BLTP1: variants seen among roughly 807,000 people sequenced by gnomAD.
BLTP1 encodes fragile site-associated protein.
At chr4:122,183,252 C>T in the BLTP1 span, 1 of 467,470 alleles carries the variant, frequency 2.1e-6, no homozygotes, top group Non-Finnish European at 2.8e-6. Context: ...GGGAGGATCA[C>T]TTGAGCCATG....
chr4:122,247,316 T>C, the BLTP1 span: 2 of 1,613,378 alleles, frequency 1.2e-6, no homozygotes, highest in South Asian at 1.1e-5. Context: ...AAGTTAAACA[T>C]TCATCGAGTT....
At chr4:122,215,368 A>T in the BLTP1 span, 3 of 982,392 alleles carry the variant, frequency 3.1e-6, no homozygotes, top group Non-Finnish European at 3.6e-6. Flanking sequence ...TTTAAAAAAT[A>T]AGAGATCTGT....
At chr4:122,325,077 T>C in the BLTP1 span, 1 of 361,074 alleles carries the variant, frequency 2.8e-6, no homozygotes, top group Non-Finnish European at 3.9e-6. Context: ...TGACTCTTTT[T>C]TATGGGATGC....
At chr4:122,270,270 G>A in the BLTP1 span, 1 of 689,662 alleles carries the variant, frequency 1.4e-6, no homozygotes, top group Non-Finnish European at 1.8e-6. Context: ...AGCAGCTTCT[G>A]ATTTTTTTCT....
chr4:122,348,441 C>A, the BLTP1 span: 1 of 775,028 alleles, frequency 1.3e-6, no homozygotes, highest in Non-Finnish European at 2.0e-6. Flanking sequence ...AACCATTAAA[C>A]ATTAGATTCT....
the BLTP1 span, chr4:122,187,247 A>G: frequency 1.0e-6 from 1 of 981,776 alleles, no homozygotes; most frequent in Non-Finnish European, 1.2e-6. Context: ...AGAGTGCTCC[A>G]GTAGACAGCT....
chr4:122,257,241 G>C, the BLTP1 span: 1 of 1,611,926 alleles, frequency 6.2e-7, no homozygotes, highest in Non-Finnish European at 8.5e-7. Context: ...CTAACCACAT[G>C]ATTATTGTTA....
chr4:122,307,890 C>G, the BLTP1 span: 1 of 1,564,462 alleles, frequency 6.4e-7, no homozygotes, highest in Non-Finnish European at 8.6e-7. Context: ...TTTTACTTAA[C>G]ATATAGATTT....
At chr4:122,238,249 T>G in the BLTP1 span, 1 of 1,614,004 alleles carries the variant, frequency 6.2e-7, no homozygotes, top group South Asian at 1.1e-5. Flanking sequence ...CTGCACAGCC[T>G]TTGTTGGCTG....
the BLTP1 span, chr4:122,247,039 C>T: frequency 1.5e-6 from 2 of 1,329,510 alleles, no homozygotes; most frequent in Non-Finnish European, 2.0e-6. Context: ...TTTTTTACTA[C>T]TATTGGTGTA....
chr4:122,285,979 A>G, the BLTP1 span, among the ~76,000 whole-genome samples: 5 of 152,232 alleles, frequency 3.3e-5, no homozygotes, highest in Non-Finnish European at 7.4e-5. Flanking sequence ...TAAAATTCAT[A>G]ACATATCCTT....
the BLTP1 span, among the ~76,000 whole-genome samples, chr4:122,295,516 AAAG>A: frequency 1.8e-4 from 27 of 152,256 alleles, no homozygotes; most frequent in Admixed American, 9.8e-4. Context: ...CCAGATGTAC[AAAG>A]AAGAGCTTGT....
chr4:122,236,787 G>A, the BLTP1 span: 1 of 976,408 alleles, frequency 1.0e-6, no homozygotes, highest in Non-Finnish European at 1.2e-6. Context: ...TGTGTAATAG[G>A]AAGTGTCTGT....
chr4:122,233,192 C>T, the BLTP1 span, among the ~76,000 whole-genome samples: 5 of 152,174 alleles, frequency 3.3e-5, no homozygotes, highest in Admixed American at 2.6e-4. Context: ...TACAAGCTAA[C>T]GTTTGAGAAC....
the BLTP1 span, chr4:122,325,880 C>T: frequency 4.3e-6 from 5 of 1,176,362 alleles, 1 homozygote; most frequent in South Asian, 6.0e-5. Flanking sequence ...TGGGGAAGTA[C>T]ACCACAATCC....
the BLTP1 span, chr4:122,235,481 G>A: frequency 1.0e-6 from 1 of 981,078 alleles, no homozygotes; most frequent in Non-Finnish European, 1.2e-6. Flanking sequence ...AATTAAACAT[G>A]TCAAGAAAAG....
the BLTP1 span, chr4:122,215,549 GT>G: frequency 1.0e-6 from 1 of 985,332 alleles, no homozygotes; most frequent in South Asian, 4.7e-5. Flanking sequence ...TATCAAAGGA[GT>G]TTTTCCACTT....
chr4:122,249,631 A>G, the BLTP1 span: 3 of 1,613,792 alleles, frequency 1.9e-6, no homozygotes, highest in Non-Finnish European at 2.5e-6. Flanking sequence ...CAGCCAAGAA[A>G]AATGGGGATG....
At chr4:122,290,955 G>GT in the BLTP1 span, 2 of 833,866 alleles carry the variant, frequency 2.4e-6, no homozygotes, top group Admixed American at 6.4e-5. Flanking sequence ...ATTTCTTATG[G>GT]TAAAAAAAAC....
Sources: allele counts gnomAD v4.1 joint callset (sites outside exome capture counted in the v4.1 genomes callset), GRCh38; gene constraint gnomAD v4.1.1; transcripts MANE v1.5; gene names NCBI Gene and HGNC (gene_info 2026-07-23, HGNC 2026-07-21).